Variants in AMZ1 observed in about 807,000 individuals in gnomAD.
AMZ1 encodes the protein archaemetzincin-1.
Under a neutral mutation model 29.9 loss-of-function variants are expected in AMZ1, and 39 were observed. That is an observed-to-expected ratio of 1.30 (90% confidence interval 1.01 to 1.70). The LOEUF (loss-of-function observed/expected upper bound fraction) is 1.70. Ranked by LOEUF, AMZ1 falls within the 40% of genes most tolerant of loss-of-function variation. The probability of loss-of-function intolerance (pLI) is 0.00; values close to 1 mark genes in which losing one functional copy is unlikely to be tolerated. For missense variants in AMZ1, 1,041 were observed against 680.6 expected, an observed-to-expected ratio of 1.53 and a Z score of -5.89; for synonymous variants, 458 against 304.0, an observed-to-expected ratio of 1.51 and a Z score of -5.27.
chr7:2,692,367 A>G (rs1037334953), intron 1 of AMZ1, among the ~76,000 whole-genome samples: 16 of 152,000 alleles, frequency 1.1e-4, no homozygotes, highest in South Asian at 2.1e-4. Flanking sequence ...GTGAAACCCC[A>G]TCTCTACTAA....
intron 4 of AMZ1, among the ~76,000 whole-genome samples, chr7:2,747,631 C>CA (rs1325473512): frequency 6.6e-6 from 1 of 152,190 alleles, no homozygotes; most frequent in Non-Finnish European, 1.5e-5. Flanking sequence ...TGCCCTCTCT[C>CA]ACCACTCCTA....
intron 4 of AMZ1, among the ~76,000 whole-genome samples, chr7:2,744,338 A>G (rs1164996474): frequency 2.0e-5 from 3 of 152,208 alleles, no homozygotes; most frequent in African/African-American, 7.2e-5. Flanking sequence ...AGGAACGATC[A>G]GGCAGCAGCA....
rs1397989242 is a variant in AMZ1, at chr7:2,717,944, G to A, written c.*5066G>A. Among the ~76,000 whole-genome samples, 2 of 152,192 alleles carry A rather than the reference G, an allele frequency of 1.3e-5. No individual in the cohort carries two copies. The highest frequency in any genetic ancestry group is 4.8e-5 in the African/African-American group (2 of 41,448). On this transcript the variant is annotated 3_prime_UTR_variant, in exon 7 of 7. Coordinates refer to ENST00000683327, the MANE Select transcript of AMZ1 (RefSeq NM_001384743.1). ...CGCTGCAGTGTTCCCGTGACGATGA[G>A]GCAAATCCAAATAGTCACCGGAGTC...
In AMZ1 at chr7:2,759,150, A is replaced by C. The variant is rs1241988673; in HGVS notation, n.551-5562A>C. ...GCAAAACACTGTCTCAAAATAAATA[A>C]ATAAATAAATAAATAAATAAATAAA... is the stretch of plus-strand genomic sequence containing the variant. On this transcript the variant is annotated intron_variant and non_coding_transcript_variant, in intron 4 of 4. Coordinates refer to the AMZ1 transcript ENST00000489665. 2.9e-5 allele frequency among the ~76,000 whole-genome samples: 4 copies of C among 137,944 alleles called. 1 individual carries two copies. Among genetic ancestry groups the C allele is most frequent in the African/African-American group, 1.2e-4 (4 of 32,966 alleles). The allele number at this position is 137,944 out of a possible 152,430, so 90.5% of individuals were successfully genotyped here.
chr7:2,722,230 G>A (rs147977468), downstream of AMZ1, among the ~76,000 whole-genome samples: 7 of 152,212 alleles, frequency 4.6e-5, no homozygotes, highest in African/African-American at 1.7e-4. Context: ...TGTGCCCATC[G>A]ATGTGAGCTG....
chr7:2,708,655 GTC>G lies in AMZ1; in HGVS notation c.542_543del (p.Ser181Ter). 1 of 1,613,232 alleles carries G rather than the reference GTC, an allele frequency of 6.2e-7. No individual in the cohort carries two copies. Among genetic ancestry groups the G allele is most frequent in the African/African-American group, 1.3e-5 (1 of 75,030 alleles). ...DALCVLGLTL[S>X]DLYPHEAWSF... ...CGCTGTGTGTGCTGGGCCTCACACTGTCTGACCTGTACCCCCATGAGGCCTGG... is the reference window on the plus strand; with the variant it reads ...CGCTGTGTGTGCTGGGCCTCACACTGTGACCTGTACCCCCATGAGGCCTGG... On this transcript the variant is annotated frameshift_variant, in exon 4 of 7. Transcript: ENST00000683327. LOFTEE classifies it high-confidence loss of function.
chr7:2,705,994 A>G (rs1378649664), intron 3 of AMZ1, among the ~76,000 whole-genome samples: 1 of 152,192 alleles, frequency 6.6e-6, no homozygotes, highest in Non-Finnish European at 1.5e-5. Context: ...AAGTCCCACA[A>G]GGGTCACTCC....
chr7:2,740,484 A>C (rs914329993), intron 4 of AMZ1, among the ~76,000 whole-genome samples: 1 of 152,078 alleles, frequency 6.6e-6, no homozygotes, highest in Non-Finnish European at 1.5e-5. Flanking sequence ...TGGTGCTGCC[A>C]CCCAGATCCT....
chr7:2,715,679 G>A lies in AMZ1; in HGVS notation c.*2801G>A, dbSNP rs541510159. The A allele has an allele frequency of 6.1e-5, 9 of 148,494 alleles. No individual in the cohort carries two copies. In the East Asian group the frequency reaches 1.8e-3, roughly 29 times the overall value. 9.2% of individuals were successfully genotyped at this position (148,494 alleles called of 1,614,324 possible). A position where few individuals can be genotyped will look rare whatever the true frequency, so the allele number is the denominator to read the frequency against. ...GACTGTTTTGAAATGCAACTTTGAG[G>A]AAGAGAAATTGGTTTCCCTCCTCTC... On this transcript the variant is annotated 3_prime_UTR_variant, in exon 7 of 7. Transcript: ENST00000683327.
chr7:2,701,166 G>A (rs555198086), intron 2 of AMZ1, among the ~76,000 whole-genome samples: 1 of 152,310 alleles, frequency 6.6e-6, no homozygotes, highest in South Asian at 2.1e-4. Flanking sequence ...GGGAGACAGA[G>A]GTTGCAGTGA....
At chr7:2,699,880 TG>T (rs1481101667) in intron 1 of AMZ1, among the ~76,000 whole-genome samples, 1 of 152,136 alleles carries the variant, frequency 6.6e-6, no homozygotes, top group African/African-American at 2.4e-5. Flanking sequence ...AGAATGGCCT[TG>T]GGGGCCCTTG....
Position 2,719,166 on chromosome 7 carries a change from C to T in AMZ1, c.*6288C>T, listed in dbSNP as rs964149015. Among the ~76,000 whole-genome samples the T allele has an allele frequency of 3.3e-5, 5 of 152,174 alleles. No individual in the cohort carries two copies. The highest frequency in any genetic ancestry group is 1.3e-4 in the Admixed American group (2 of 15,282). ...GGCAGGATGCGGGCAGCAGCTTTGTCGGCTGCCAACCCAACTCCTCCGACA... is the reference window on the plus strand; with the variant it reads ...GGCAGGATGCGGGCAGCAGCTTTGTTGGCTGCCAACCCAACTCCTCCGACA... On this transcript the variant is annotated 3_prime_UTR_variant, in exon 7 of 7. Transcript: ENST00000683327.
rs148164001 is a variant in AMZ1 at position 2,706,809 on chromosome 7, C to CACA, written c.473-1774_473-1772dup. Among the ~76,000 whole-genome samples the CACA allele has an allele frequency of 8.7e-3, 1,318 of 152,314 alleles. 17 individuals are homozygous for CACA. Among genetic ancestry groups the CACA allele is most frequent in the African/African-American group, 0.029 (1,226 of 41,576 alleles). On this transcript the variant is annotated intron_variant, in intron 3 of 6. Coordinates refer to ENST00000683327, the MANE Select transcript of AMZ1 (RefSeq NM_001384743.1). ...TCTTTTTGGGGGACATAGCCTGATC[C>CACA]ACAACAATCATCACTGTCAATCATC... is the stretch of plus-strand genomic sequence containing the variant.
rs183303874 is a variant in AMZ1, at chr7:2,693,545, A to G, written c.-219+5249A>G. 1.6e-4 allele frequency among the ~76,000 whole-genome samples: 25 copies of G among 151,628 alleles called. 1 individual carries two copies. The East Asian group carries it at 4.5e-3, about 27-fold the overall frequency. On this transcript the variant is annotated intron_variant, in intron 1 of 6. Transcript: ENST00000683327. ...CAGATGTGTGCCACCACACCCAGCT[A>G]ATTTTTGTTTTGTTTTGTTTTGTTT...
chr7:2,687,074 C>A (rs939856241), upstream of AMZ1, among the ~76,000 whole-genome samples: 10 of 151,820 alleles, frequency 6.6e-5, no homozygotes, highest in Non-Finnish European at 1.2e-4. Flanking sequence ...CACGCCTGTA[C>A]TCCCAGCACT....
At position 2,700,412 on chromosome 7, in the gene AMZ1, G is replaced by C. The variant is rs202073290; in HGVS notation, c.-40G>C. The C allele has an allele frequency of 1.9e-6, 3 of 1,575,408 alleles. No homozygotes were observed. Among genetic ancestry groups the C allele is most frequent in the Non-Finnish European group, 2.6e-6 (3 of 1,166,090 alleles). On this transcript the variant is annotated 5_prime_UTR_variant, in exon 2 of 7. Transcript: ENST00000683327. ...TCCCCCGGGTGGCCCATGGACAGCA[G>C]CAGGGGCTCCCAGGAGTGGCCAGGC...
At chr7:2,711,948 A>G (rs1034954) in intron 6 of AMZ1, among the ~76,000 whole-genome samples, 151,313 of 152,284 alleles carry the variant, frequency 0.99, 75,176 homozygotes, top group East Asian at 1. Context: ...TCAGGAGGCC[A>G]ACGCAGGAGA....
At chr7:2,733,005 C>T (rs143284627) in intron 4 of AMZ1, among the ~76,000 whole-genome samples, 455 of 152,270 alleles carry the variant, frequency 3.0e-3, no homozygotes, top group Non-Finnish European at 5.1e-3. Context: ...AGGAGCCATA[C>T]GGTACTGCGG....
intron 4 of AMZ1, among the ~76,000 whole-genome samples, chr7:2,745,388 T>G (rs1775830283): frequency 1.3e-5 from 2 of 152,196 alleles, no homozygotes; most frequent in Non-Finnish European, 2.9e-5. Context: ...GAAAATAATT[T>G]TCAACCCAGA....
Sources: gnomAD v4.1 joint callset for allele counts (sites outside exome capture counted in the v4.1 genomes callset) on GRCh38, gnomAD v4.1.1 for gene constraint, MANE v1.5 for transcripts, NCBI Gene and HGNC (gene_info 2026-07-23, HGNC 2026-07-21) for gene names.